CATSPERB: variants seen among roughly 807,000 people sequenced by gnomAD.
CATSPERB encodes the protein catsper channel auxiliary subunit beta.
A neutral mutation model predicts 128.3 loss-of-function variants in CATSPERB; 93 were observed. That is an observed-to-expected ratio of 0.72 (90% CI 0.61 to 0.86). CATSPERB has a LOEUF of 0.86. Ranked by LOEUF, CATSPERB falls within the 40% of genes least tolerant of loss-of-function variation. The pLI, the probability that CATSPERB is intolerant of heterozygous loss-of-function variation, is 0.00. For missense variants in CATSPERB, 1,153 were observed against 1,329.5 expected (o/e 0.87, Z 2.06); for synonymous variants, 381 against 448.8 (o/e 0.85, Z 1.91).
intron 22 of CATSPERB, among the ~76,000 whole-genome samples, chr14:91,605,773 T>G (rs952913984): frequency 6.6e-6 from 1 of 152,302 alleles, no homozygotes; most frequent in Admixed American, 6.5e-5. Context: ...TTAACCCCTA[T>G]CCATCTTTCA....
At chr14:91,597,899 A>G (rs1483585215) in intron 22 of CATSPERB, among the ~76,000 whole-genome samples, 2 of 152,210 alleles carry the variant, frequency 1.3e-5, no homozygotes, top group Non-Finnish European at 2.9e-5. Context: ...AATGGATGCA[A>G]TAACATTAAA....
intron 22 of CATSPERB, among the ~76,000 whole-genome samples, chr14:91,595,053 A>C (rs1401237050): frequency 1.4e-5 from 2 of 148,008 alleles, no homozygotes; most frequent in African/African-American, 4.9e-5. Context: ...AAACACAAAA[A>C]TTGAAAAAAA....
Position 91,621,915 on chromosome 14 carries a change from A to G in CATSPERB, c.1953T>C (p.Asp651=), listed in dbSNP as rs779163036. ...GCACTACAGTCTTCTCTATATCTGT[A>G]TCTTCAAACAAGGCCTGAACAACTG... ...DSQVVQALFE[D]TDIEKTVVLP... is the part of the protein sequence containing the mutation. The change falls in exon 19 of 27, where the codon GAT becomes GAC. Residue 651 remains aspartate, a synonymous_variant. Coordinates refer to ENST00000256343, the MANE Select transcript of CATSPERB (RefSeq NM_024764.4). The G allele has an allele frequency of 2.5e-6, 4 of 1,602,126 alleles. No individual in the cohort carries two copies. In the African/African-American group the frequency reaches 5.4e-5, roughly 22 times the overall value.
At position 91,630,207 on chromosome 14, in the gene CATSPERB, A is replaced by G. The variant is rs574857037; in HGVS notation, c.1743-5200T>C. Among the ~76,000 whole-genome samples the G allele has an allele frequency of 3.7e-4, 56 of 151,968 alleles. No individual in the cohort carries two copies. The South Asian group carries it at 0.011, about 30-fold the overall frequency. On this transcript the variant is annotated intron_variant, in intron 17 of 26. Coordinates refer to ENST00000256343, the MANE Select transcript of CATSPERB (RefSeq NM_024764.4). Reference sequence around the variant, plus strand: ...CTTCTCTTGGTTTATATGGCCCCACATTTTCCTGTGTTTTTTCTACCTTAC... The same window carrying G: ...CTTCTCTTGGTTTATATGGCCCCACGTTTTCCTGTGTTTTTTCTACCTTAC...
chr14:91,591,840 A>C (rs1168956656), intron 23 of CATSPERB, 52 bp downstream of exon 23: 2 of 1,252,602 alleles, frequency 1.6e-6, no homozygotes, highest in Non-Finnish European at 2.3e-6. Context: ...ACATTTCAAA[A>C]TCTTGTTAAT....
chr14:91,713,005 T>C (rs1472020325), intron 5 of CATSPERB, among the ~76,000 whole-genome samples: 2 of 152,124 alleles, frequency 1.3e-5, no homozygotes, highest in East Asian at 3.8e-4. Flanking sequence ...TGAAATGAGG[T>C]TATTCGAGGA....
intron 25 of CATSPERB, 94 bp downstream of exon 25, chr14:91,587,884 G>T: frequency 1.3e-6 from 1 of 760,368 alleles, no homozygotes; most frequent in Non-Finnish European, 2.3e-6. Context: ...CACCATTCCT[G>T]GTTACCTATA....
intron 5 of CATSPERB, among the ~76,000 whole-genome samples, chr14:91,715,425 G>A (rs559290172): frequency 7.9e-5 from 12 of 151,546 alleles, no homozygotes; most frequent in African/African-American, 1.5e-4. Context: ...TTAGCCAGGC[G>A]CCTGTAATCC....
intron 15 of CATSPERB, among the ~76,000 whole-genome samples, chr14:91,648,603 AC>A (rs34242345): frequency 1.1e-3 from 145 of 137,048 alleles, no homozygotes; most frequent in African/African-American, 3.5e-3. Flanking sequence ...TAGAGCATTG[AC>A]TCAATATGAT....
At chr14:91,617,415 A>T (rs1436344199) in intron 20 of CATSPERB, among the ~76,000 whole-genome samples, 182 bp downstream of exon 20, 1 of 152,160 alleles carries the variant, frequency 6.6e-6, no homozygotes, top group Non-Finnish European at 1.5e-5. Context: ...TAGGACATAG[A>T]TCTATTTTTA....
chr14:91,624,595 C>T (rs191351503), intron 18 of CATSPERB, among the ~76,000 whole-genome samples: 48 of 150,816 alleles, frequency 3.2e-4, no homozygotes, highest in Non-Finnish European at 5.8e-4. Flanking sequence ...GAGTCGAGAT[C>T]GCGTCACTAC....
chr14:91,642,844 T>C (rs1044261325), intron 15 of CATSPERB, among the ~76,000 whole-genome samples: 32 of 138,384 alleles, frequency 2.3e-4, no homozygotes, highest in African/African-American at 8.0e-4. Context: ...GGTCCTGGAC[T>C]CTTTTTGGTT....
intron 11 of CATSPERB, among the ~76,000 whole-genome samples, chr14:91,682,732 C>T (rs1241803936): frequency 1.3e-5 from 2 of 152,184 alleles, no homozygotes; most frequent in African/African-American, 2.4e-5. Context: ...GTTTTACCCA[C>T]TAGCCATCTT....
intron 26 of CATSPERB, among the ~76,000 whole-genome samples, chr14:91,584,560 C>T (rs1297994606): frequency 6.6e-6 from 1 of 152,124 alleles, no homozygotes; most frequent in African/African-American, 2.4e-5. Context: ...GTTTGAATAA[C>T]TTCTTTAAGC....
At position 91,706,573 on chromosome 14, in the gene CATSPERB, C is replaced by T. The variant is rs775334844; in HGVS notation, c.466+1568G>A. On this transcript the variant is annotated intron_variant, in intron 6 of 26. Transcript: ENST00000256343. ...CTGTGATTAGCAACAGTTTGAGTAG[C>T]GTGGAGGAGATGGAAACAAATGAGT... Among the ~76,000 whole-genome samples the T allele has an allele frequency of 1.1e-4, 16 of 152,048 alleles. 1 individual carries two copies. Among genetic ancestry groups the T allele is most frequent in the African/African-American group, 2.7e-4 (11 of 41,384 alleles).
intron 20 of CATSPERB, among the ~76,000 whole-genome samples, chr14:91,615,949 G>A (rs530509770): frequency 1.3e-5 from 2 of 148,654 alleles, no homozygotes; most frequent in South Asian, 4.3e-4. Flanking sequence ...GTGTGATCTC[G>A]GCTCACTGCA....
chr14:91,696,760 A>C (rs1895569152), intron 7 of CATSPERB, among the ~76,000 whole-genome samples: 1 of 152,198 alleles, frequency 6.6e-6, no homozygotes, highest in African/African-American at 2.4e-5. Context: ...AACAGATGTA[A>C]GAGCAAGGTT....
intron 11 of CATSPERB, among the ~76,000 whole-genome samples, chr14:91,681,317 G>T (rs1206255561): frequency 6.6e-6 from 1 of 152,138 alleles, no homozygotes; most frequent in African/African-American, 2.4e-5. Flanking sequence ...AGGAATGTCA[G>T]GGCAAACTGT....
intron 15 of CATSPERB, among the ~76,000 whole-genome samples, chr14:91,647,805 T>G (rs567007128): frequency 1.5e-4 from 23 of 152,310 alleles, no homozygotes; most frequent in African/African-American, 4.8e-4. Flanking sequence ...TGAGATTTAG[T>G]TGGGGACACA....
Sources: gnomAD v4.1 joint callset for allele counts (sites outside exome capture counted in the v4.1 genomes callset) on GRCh38, gnomAD v4.1.1 for gene constraint, MANE v1.5 for transcripts, NCBI Gene and HGNC (gene_info 2026-07-23, HGNC 2026-07-21) for gene names.